ALK: variants seen among roughly 807,000 people sequenced by gnomAD.
ALK encodes the protein ALK receptor tyrosine kinase.
Under a neutral mutation model 163.1 loss-of-function variants are expected in ALK, and 74 were observed. That is an observed-to-expected ratio of 0.45 (90% CI 0.38 to 0.55). The LOEUF (loss-of-function observed/expected upper bound fraction) is 0.55. ALK is among the 20% of genes least tolerant of loss of function. The pLI is 0.00. For synonymous variants in ALK, 960 were observed against 843.2 expected, an observed-to-expected ratio of 1.14 and a Z score of -2.40; for missense variants, 2,063 against 2,105.3, an observed-to-expected ratio of 0.98 and a Z score of 0.39.
At chr2:29,533,182 G>A (rs1189865834) in intron 3 of ALK, among the ~76,000 whole-genome samples, 2 of 152,204 alleles carry the variant, frequency 1.3e-5, no homozygotes, top group Admixed American at 1.3e-4. Context: ...GAGCTGGATC[G>A]AGAACGTGAA....
intron 1 of ALK, among the ~76,000 whole-genome samples, chr2:29,822,563 T>C (rs969877925): frequency 1.3e-5 from 2 of 152,234 alleles, no homozygotes; most frequent in Non-Finnish European, 2.9e-5. Flanking sequence ...CCCTGTTCTC[T>C]AGGACTTGAG....
chr2:29,450,260 G>A, intron 4 of ALK, among the ~76,000 whole-genome samples: 1 of 152,156 alleles, frequency 6.6e-6, no homozygotes, highest in Non-Finnish European at 1.5e-5. Flanking sequence ...GTATGCTTCT[G>A]AGGATTCCAC....
In ALK at chr2:29,275,631, T is replaced by C; in HGVS notation, c.1818-135A>G. ...AAAAGGCTCGCTAATCCCAGAGCAGTGGCGAGAGAAGAGCAGTCAGCTCCC... is the reference window on the plus strand; with the variant it reads ...AAAAGGCTCGCTAATCCCAGAGCAGCGGCGAGAGAAGAGCAGTCAGCTCCC... On this transcript the variant is annotated intron_variant, in intron 9 of 28. Coordinates refer to ENST00000389048, the MANE Select transcript of ALK (RefSeq NM_004304.5). 4.7e-6 allele frequency: 4 copies of C among 856,320 alleles called. No homozygotes were observed. The South Asian group carries it at 5.6e-5, about 12-fold the overall frequency. The allele number at this position is 856,320 out of a possible 1,614,324, so 53.0% of individuals were successfully genotyped here. A position where few individuals can be genotyped will look rare whatever the true frequency, so the allele number is the denominator to read the frequency against.
At position 29,246,948 on chromosome 2, in the gene ALK, C is replaced by A. The variant is rs1664689620; in HGVS notation, c.2204+4157G>T. Reference sequence around the variant, plus strand: ...CCCTGCTGCCTCCAGCCTCGGCTCCCCGAGGCCAGCCTTGCCCGACTTCTC... The same window carrying A: ...CCCTGCTGCCTCCAGCCTCGGCTCCACGAGGCCAGCCTTGCCCGACTTCTC... On this transcript the variant is annotated intron_variant, in intron 12 of 28. Coordinates refer to ENST00000389048, the MANE Select transcript of ALK (RefSeq NM_004304.5). The surrounding 1 kb of genome is among the most constrained non-coding windows in gnomAD (Gnocchi z 4.3). Among the ~76,000 whole-genome samples, 1 of 152,222 alleles carries A rather than the reference C, an allele frequency of 6.6e-6. No individual in the cohort carries two copies. Among genetic ancestry groups the A allele is most frequent in the African/African-American group, 2.4e-5 (1 of 41,454 alleles).
In ALK at chr2:29,222,618, G is replaced by A. The variant is rs1191359394; in HGVS notation, c.3360-11C>T. ...CCATGGCCCAGACCCCTGTGCAAAG[G>A]AGAAGACAAGAGGAGACAGAGTCAA... is the stretch of plus-strand genomic sequence containing the variant. On this transcript the variant is annotated splice_polypyrimidine_tract_variant and intron_variant, in intron 20 of 28. Coordinates refer to ENST00000389048, the MANE Select transcript of ALK (RefSeq NM_004304.5). The A allele has an allele frequency of 1.9e-6, 3 of 1,611,990 alleles. No individual in the cohort carries two copies. Among genetic ancestry groups the A allele is most frequent in the Non-Finnish European group, 2.5e-6 (3 of 1,178,828 alleles).
chr2:29,468,822 C>T (rs1671275800), intron 4 of ALK, among the ~76,000 whole-genome samples: 1 of 121,434 alleles, frequency 8.2e-6, no homozygotes, highest in South Asian at 2.8e-4. Context: ...CCACTGCACT[C>T]TAGCCTGGGC....
chr2:29,446,901 T>C (rs1393610796), intron 4 of ALK, among the ~76,000 whole-genome samples: 1 of 152,216 alleles, frequency 6.6e-6, no homozygotes, highest in East Asian at 1.9e-4. Context: ...TAGAGTTTAG[T>C]GTGTGGTTTA....
chr2:29,595,571 C>T (rs1675190216), intron 3 of ALK, among the ~76,000 whole-genome samples: 1 of 152,098 alleles, frequency 6.6e-6, no homozygotes, highest in Admixed American at 6.5e-5. Context: ...CCGCCCGCCT[C>T]GGCCTCCCAA....
intron 11 of ALK, among the ~76,000 whole-genome samples, chr2:29,259,866 T>A (rs1291382212): frequency 6.6e-6 from 1 of 152,166 alleles, no homozygotes; most frequent in Non-Finnish European, 1.5e-5. Context: ...CTTTCAATTA[T>A]TTCTATGTTG....
At chr2:29,753,550 C>A (rs759265838) in intron 1 of ALK, among the ~76,000 whole-genome samples, 3 of 152,090 alleles carry the variant, frequency 2.0e-5, no homozygotes, top group Non-Finnish European at 2.9e-5. Context: ...ATAACACCTG[C>A]TTGGTTTATC....
rs557004247 is a variant in ALK at position 29,876,556 on chromosome 2, G to C, written c.667+43437C>G. 5.3e-5 allele frequency among the ~76,000 whole-genome samples: 8 copies of C among 151,258 alleles called. No homozygotes were observed. In the South Asian group the frequency reaches 1.7e-3, roughly 32 times the overall value. On this transcript the variant is annotated intron_variant, in intron 1 of 28. Coordinates refer to ENST00000389048, the MANE Select transcript of ALK (RefSeq NM_004304.5). Reference sequence around the variant, plus strand: ...GATGGTAGTGGTAATGGTGGTGATGGTAATGATGATGCTGATGGTGGTGGT... The same window carrying C: ...GATGGTAGTGGTAATGGTGGTGATGCTAATGATGATGCTGATGGTGGTGGT...
intron 1 of ALK, among the ~76,000 whole-genome samples, chr2:29,742,665 T>C (rs1680094628): frequency 1.3e-5 from 2 of 152,178 alleles, no homozygotes; most frequent in African/African-American, 2.4e-5. Flanking sequence ...AGGGAACCCC[T>C]GGCAGGAGAC....
chr2:29,621,947 A>C (rs898883543), intron 3 of ALK, among the ~76,000 whole-genome samples: 8 of 151,988 alleles, frequency 5.3e-5, no homozygotes, highest in African/African-American at 1.9e-4. Context: ...AAAACAAAAA[A>C]GGGATGAGGT....
chr2:29,624,920 C>T (rs1006744425), intron 3 of ALK, among the ~76,000 whole-genome samples: 9 of 152,156 alleles, frequency 5.9e-5, no homozygotes, highest in African/African-American at 1.7e-4. Flanking sequence ...TGGGGTTTGC[C>T]TCAGCTCTGG....
At chr2:29,233,410 T>C (rs1664273297) in intron 14 of ALK, among the ~76,000 whole-genome samples, 155 bp downstream of exon 14, 1 of 152,150 alleles carries the variant, frequency 6.6e-6, no homozygotes, top group Non-Finnish European at 1.5e-5. Flanking sequence ...CCTCCCAAAA[T>C]ACTAGGATTA....
chr2:29,478,469 C>T (rs990018404), intron 4 of ALK, among the ~76,000 whole-genome samples: 1 of 152,216 alleles, frequency 6.6e-6, no homozygotes, highest in Non-Finnish European at 1.5e-5. Context: ...CTTGGACAGG[C>T]GGAGGACTTG....
intron 1 of ALK, among the ~76,000 whole-genome samples, chr2:29,718,505 G>A (rs954975265): frequency 6.6e-6 from 1 of 152,206 alleles, no homozygotes; most frequent in Non-Finnish European, 1.5e-5. Flanking sequence ...AAAGAAGGAA[G>A]GATTTGAGAA....
chr2:29,817,592 T>A (rs4449093), intron 1 of ALK, among the ~76,000 whole-genome samples: 9,051 of 152,124 alleles, frequency 0.059, 344 homozygotes, highest in South Asian at 0.14. Context: ...CCCAAATTCT[T>A]CTCCACTACC....
intron 4 of ALK, among the ~76,000 whole-genome samples, chr2:29,432,754 T>A (rs913339966): frequency 3.3e-5 from 5 of 150,530 alleles, no homozygotes; most frequent in Non-Finnish European, 5.9e-5. Flanking sequence ...TTTTTTTTTT[T>A]AAACCGATGG....
Sources: allele counts gnomAD v4.1 joint callset (sites outside exome capture counted in the v4.1 genomes callset), GRCh38; gene constraint gnomAD v4.1.1; non-coding constraint Gnocchi (gnomAD v3.1); transcripts MANE v1.5; gene names NCBI Gene and HGNC (gene_info 2026-07-23, HGNC 2026-07-21).